TGM6: variants seen among roughly 807,000 people sequenced by gnomAD.
The protein encoded by TGM6 is protein-glutamine gamma-glutamyltransferase 6.
Under a neutral mutation model 77.5 loss-of-function variants are expected in TGM6, and 74 were observed. The ratio of observed to expected loss-of-function variants is 0.96; its 90% CI spans 0.79 to 1.16. The LOEUF is 1.16. Ranked by LOEUF, TGM6 falls within the 50% of genes most tolerant of loss-of-function variation. The pLI, the probability that TGM6 is intolerant of heterozygous loss-of-function variation, is 0.00. For synonymous variants in TGM6, 383 were observed against 378.9 expected, an observed-to-expected ratio of 1.01 and a Z score of -0.12; for missense variants, 968 against 940.2, an observed-to-expected ratio of 1.03 and a Z score of -0.39.
chr20:2,396,727 G>C (rs2084671223), intron 4 of TGM6, 103 bp downstream of exon 4: 1 of 1,069,010 alleles, frequency 9.4e-7, no homozygotes, highest in South Asian at 1.3e-5. Context: ...AGGGACAAGG[G>C]GGGCTCACTC....
intron 1 of TGM6, among the ~76,000 whole-genome samples, chr20:2,391,348 G>A (rs377563575): frequency 1.1e-4 from 17 of 152,272 alleles, no homozygotes; most frequent in South Asian, 8.3e-4. Flanking sequence ...CAGGGCCGAG[G>A]CAGGAACATC....
intron 9 of TGM6, among the ~76,000 whole-genome samples, chr20:2,413,573 C>T (rs1053713378): frequency 2.0e-5 from 3 of 152,112 alleles, no homozygotes; most frequent in African/African-American, 7.2e-5. Context: ...CAAGACAATT[C>T]AATGGAGAAA....
intron 10 of TGM6, among the ~76,000 whole-genome samples, chr20:2,420,127 C>G (rs1395833707): frequency 6.6e-6 from 1 of 152,238 alleles, no homozygotes; most frequent in African/African-American, 2.4e-5. Context: ...CGCCTGTAGT[C>G]CCAGCTACTC....
At chr20:2,396,282 C>T (rs565420401) in intron 3 of TGM6, among the ~76,000 whole-genome samples, 1 of 152,196 alleles carries the variant, frequency 6.6e-6, no homozygotes, top group Admixed American at 6.5e-5. Context: ...GCTGTCAGTT[C>T]CCATAAAACT....
chr20:2,430,445 G>C lies in TGM6; in HGVS notation c.1679-1G>C, dbSNP rs1216470337. 6.2e-7 allele frequency: 1 copy of C among 1,614,056 alleles called. No homozygotes were observed. The highest frequency in any genetic ancestry group is 1.7e-5 in the Admixed American group (1 of 60,002). On this transcript the variant is annotated splice_acceptor_variant, in intron 10 of 12. Transcript: ENST00000202625. LOFTEE classifies it high-confidence loss of function. ...ACTCCCACTTCTGCTTTCCCTTCCA[G>C]AGAAGAGAATCCCAATTACAATATC...
rs180822549 is a variant in TGM6, at chr20:2,392,433, G to A, written c.8-2019G>A. ...TCAGCTCCCATCCTTCTCCCTGATA[G>A]CATGTATCAAAGCAAGAATTAGTTA... On this transcript the variant is annotated intron_variant, in intron 1 of 12. Coordinates refer to ENST00000202625, the MANE Select transcript of TGM6 (RefSeq NM_198994.3). Among the ~76,000 whole-genome samples the A allele has an allele frequency of 1.6e-4, 25 of 152,274 alleles. No homozygotes were observed. The East Asian group carries it at 4.8e-3, about 29-fold the overall frequency.
At chr20:2,420,013 G>A (rs1273147564) in intron 10 of TGM6, among the ~76,000 whole-genome samples, 1 of 152,180 alleles carries the variant, frequency 6.6e-6, no homozygotes, top group Non-Finnish European at 1.5e-5. Context: ...GGGAGGCCGA[G>A]GCAGGTGGAT....
At chr20:2,412,394 C>T (rs1015266864) in intron 9 of TGM6, among the ~76,000 whole-genome samples, 2 of 152,070 alleles carry the variant, frequency 1.3e-5, no homozygotes, top group African/African-American at 4.8e-5. Flanking sequence ...ATGAAAAGAG[C>T]TCTGGGTAGA....
At chr20:2,430,807 G>T in intron 11 of TGM6, 87 bp from the exon 12 acceptor site, 1 of 1,611,426 alleles carries the variant, frequency 6.2e-7, no homozygotes, top group Non-Finnish European at 8.5e-7. Context: ...CATGACTAAT[G>T]ATCCATCCTC....
intron 9 of TGM6, among the ~76,000 whole-genome samples, chr20:2,406,131 A>T (rs1325679403): frequency 6.6e-6 from 1 of 152,128 alleles, no homozygotes; most frequent in Non-Finnish European, 1.5e-5. Flanking sequence ...ACTGTCAAAG[A>T]CATCTTCCAC....
At chr20:2,382,450 T>C (rs1033614878) in intron 1 of TGM6, among the ~76,000 whole-genome samples, 4 of 152,198 alleles carry the variant, frequency 2.6e-5, no homozygotes, top group Non-Finnish European at 4.4e-5. Context: ...GACTTAAACT[T>C]GACAGTGCGA....
intron 3 of TGM6, among the ~76,000 whole-genome samples, chr20:2,396,202 A>C (rs1451288232): frequency 2.0e-5 from 3 of 151,928 alleles, no homozygotes; most frequent in African/African-American, 7.2e-5. Flanking sequence ...AAAAGAAAAG[A>C]AAATAAGAAA....
In TGM6 at chr20:2,422,658, C is replaced by A. The variant is rs2084864230; in HGVS notation, c.1678+5085C>A. ...AAATGCTAACAATCGGGGCCAGGCA[C>A]AGGCGGTGCATACCTGTAATCCCAG... is the stretch of plus-strand genomic sequence containing the variant. On this transcript the variant is annotated intron_variant, in intron 10 of 12. Transcript: ENST00000202625. Among the ~76,000 whole-genome samples, 3 of 151,942 alleles carry A rather than the reference C, an allele frequency of 2.0e-5. No homozygotes were observed. The South Asian group carries it at 6.2e-4, about 32-fold the overall frequency.
intron 9 of TGM6, among the ~76,000 whole-genome samples, chr20:2,414,391 C>T (rs541261458): frequency 2.0e-5 from 3 of 152,250 alleles, no homozygotes; most frequent in South Asian, 2.1e-4. Flanking sequence ...CTAGAACTAC[C>T]GTCATCAAAA....
At chr20:2,419,782 T>C (rs543966075) in intron 10 of TGM6, among the ~76,000 whole-genome samples, 1 of 152,328 alleles carries the variant, frequency 6.6e-6, no homozygotes, top group South Asian at 2.1e-4. Flanking sequence ...AATAAATATA[T>C]GGTGACCTAT....
At chr20:2,413,743 A>C (rs2103759) in intron 9 of TGM6, among the ~76,000 whole-genome samples, 1,683 of 152,358 alleles carry the variant, frequency 0.011, 36 homozygotes, top group African/African-American at 0.038. Flanking sequence ...ATACACAAAA[A>C]TTTCTCAAAA....
intron 10 of TGM6, among the ~76,000 whole-genome samples, chr20:2,424,475 A>G (rs2325848): frequency 0.45 from 68,583 of 151,948 alleles, 16,699 homozygotes; most frequent in African/African-American, 0.65. Flanking sequence ...GCTTCCTAAC[A>G]TCTCTCAATC....
rs138704921 is a variant in TGM6, at chr20:2,425,634, A to G, written c.1679-4812A>G. ...CCTCTAACTTTGTTCCTCTCCTTCAATAATGTACAATTGTACAATTGTACT... is the reference window on the plus strand; with the variant it reads ...CCTCTAACTTTGTTCCTCTCCTTCAGTAATGTACAATTGTACAATTGTACT... On this transcript the variant is annotated intron_variant, in intron 10 of 12. Coordinates refer to ENST00000202625, the MANE Select transcript of TGM6 (RefSeq NM_198994.3). Among the ~76,000 whole-genome samples, 3 of 152,248 alleles carry G rather than the reference A, an allele frequency of 2.0e-5. 1 individual carries two copies. Among genetic ancestry groups the G allele is most frequent in the African/African-American group, 4.8e-5 (2 of 41,540 alleles).
chr20:2,413,548 A>T (rs936625251), intron 9 of TGM6, among the ~76,000 whole-genome samples: 2 of 152,220 alleles, frequency 1.3e-5, no homozygotes, highest in Non-Finnish European at 2.9e-5. Context: ...TGATCAATTG[A>T]TTCTACAAGC....
Sources: allele counts gnomAD v4.1 joint callset (sites outside exome capture counted in the v4.1 genomes callset), GRCh38; gene constraint gnomAD v4.1.1; transcripts MANE v1.5; gene names NCBI Gene and HGNC (gene_info 2026-07-23, HGNC 2026-07-21).